The following FBN2 variants were observed in gnomAD, a reference collection of about 807,000 sequenced individuals.
FBN2 encodes fibrillin-2.
In FBN2, 105 loss-of-function variants were observed where a neutral mutation model predicts 355.6. The ratio of observed to expected loss-of-function variants is 0.30; its 90% CI spans 0.25 to 0.35. The LOEUF (loss-of-function observed/expected upper bound fraction) is 0.35, where lower values mean the gene tolerates loss of function less well. Ranked by LOEUF, FBN2 falls within the 10% of genes least tolerant of loss-of-function variation. The pLI, the probability that FBN2 is intolerant of heterozygous loss-of-function variation, is 1.00. For synonymous variants in FBN2, 1,350 were observed against 1,301.2 expected (o/e 1.04, Z -0.81); for missense variants, 3,280 against 3,758.7 (o/e 0.87, Z 3.33).
intron 7 of FBN2, among the ~76,000 whole-genome samples, chr5:128,422,277 C>A (rs1475334018): frequency 6.6e-6 from 1 of 152,016 alleles, no homozygotes; most frequent in Non-Finnish European, 1.5e-5. Flanking sequence ...TGAGGAAAAA[C>A]AATTAAGAAG....
In FBN2 at chr5:128,349,336, G is replaced by GTGAATCTTA; in HGVS notation, c.2989+2_2989+10dup. 1.2e-6 allele frequency: 2 copies of GTGAATCTTA among 1,614,008 alleles called. No individual in the cohort carries two copies. The highest frequency in any genetic ancestry group is 1.7e-6 in the Non-Finnish European group (2 of 1,179,970). ...TTTTATACATAGAATACATGAGGGT[G>GTGAATCTTA]TGAATCTTACCCAAACATACACGGC... On this transcript the variant is annotated intron_variant, in intron 23 of 64. Coordinates refer to ENST00000262464, the MANE Select transcript of FBN2 (RefSeq NM_001999.4).
chr5:128,310,131 T>C, intron 39 of FBN2, 23 bp from the exon 40 acceptor site: 1 of 1,584,388 alleles, frequency 6.3e-7, no homozygotes, highest in Non-Finnish European at 8.7e-7. Flanking sequence ...AGAATATCTA[T>C]TAATTAATAA....
At chr5:128,345,834 A>G (rs1455762145) in intron 23 of FBN2, among the ~76,000 whole-genome samples, 3 of 152,184 alleles carry the variant, frequency 2.0e-5, no homozygotes, top group Non-Finnish European at 4.4e-5. Flanking sequence ...TCATGAGATG[A>G]CTGCTTCATG....
intron 2 of FBN2, among the ~76,000 whole-genome samples, chr5:128,535,440 T>C (rs945065225): frequency 6.6e-6 from 1 of 152,192 alleles, no homozygotes; most frequent in Non-Finnish European, 1.5e-5. Flanking sequence ...CTGGAGAACA[T>C]GGAGGTCAAT....
intron 34 of FBN2, among the ~76,000 whole-genome samples, chr5:128,324,659 C>T (rs1036176701): frequency 6.6e-6 from 1 of 150,998 alleles, no homozygotes; most frequent in African/African-American, 2.4e-5. Context: ...CTCTGTTGAC[C>T]CAGCCTGGAG....
chr5:128,280,949 G>C (rs1353643092), intron 55 of FBN2, among the ~76,000 whole-genome samples: 1 of 152,070 alleles, frequency 6.6e-6, no homozygotes, highest in African/African-American at 2.4e-5. Context: ...AATTTTGTTT[G>C]AGGTTTCTTT....
At chr5:128,473,567 G>A (rs1372761360) in intron 5 of FBN2, among the ~76,000 whole-genome samples, 1 of 152,174 alleles carries the variant, frequency 6.6e-6, no homozygotes, top group Non-Finnish European at 1.5e-5. Context: ...CCAAGTGCTT[G>A]TGTGCTTTTA....
intron 62 of FBN2, among the ~76,000 whole-genome samples, chr5:128,271,015 T>A (rs948960718): frequency 6.6e-6 from 1 of 152,204 alleles, no homozygotes; most frequent in Admixed American, 6.5e-5. Flanking sequence ...CGTGGTGTGG[T>A]AAAGCATCTG....
intron 7 of FBN2, among the ~76,000 whole-genome samples, chr5:128,420,265 T>C (rs973954272): frequency 2.6e-5 from 4 of 152,322 alleles, no homozygotes; most frequent in East Asian, 1.9e-4. Context: ...CCATTAGCCA[T>C]TGGAAGAGAT....
chr5:128,403,527 C>T (rs1374829640), intron 8 of FBN2, among the ~76,000 whole-genome samples: 9 of 152,110 alleles, frequency 5.9e-5, no homozygotes, highest in Non-Finnish European at 1.3e-4. Flanking sequence ...TTTGCCAACG[C>T]GTTATTTATT....
chr5:128,303,750 G>A (rs1749785015), intron 45 of FBN2, among the ~76,000 whole-genome samples: 1 of 152,184 alleles, frequency 6.6e-6, no homozygotes, highest in South Asian at 2.1e-4. Context: ...TCTTACTGAA[G>A]AATCTGACTA....
rs369474082 is a variant in FBN2 at position 128,261,829 on chromosome 5, C to T, written c.8271G>A (p.Leu2757=). The T allele has an allele frequency of 1.9e-6, 3 of 1,613,888 alleles. No homozygotes were observed. The African/African-American group carries it at 4.0e-5, about 22-fold the overall frequency. ...LDTEVDEENA[L]SPEACYECKI... is the part of the protein sequence containing the mutation. ...TGCACTCGTAGCATGCTTCTGGGGACAGAGCATTTTCCTCATCGACCTCTG... is the reference window on the plus strand; with the variant it reads ...TGCACTCGTAGCATGCTTCTGGGGATAGAGCATTTTCCTCATCGACCTCTG... The change falls in exon 64 of 65, where the codon CTG becomes CTA. Residue 2757 remains leucine (L), a synonymous_variant. Coordinates refer to ENST00000262464, the MANE Select transcript of FBN2 (RefSeq NM_001999.4).
chr5:128,434,089 G>A (rs1288618400), intron 7 of FBN2, among the ~76,000 whole-genome samples: 3 of 151,952 alleles, frequency 2.0e-5, no homozygotes, highest in African/African-American at 7.3e-5. Context: ...AATACAGCAG[G>A]TGACTAGAAC....
chr5:128,469,397 G>T (rs893332604), intron 5 of FBN2, among the ~76,000 whole-genome samples: 1 of 152,072 alleles, frequency 6.6e-6, no homozygotes, highest in East Asian at 1.9e-4. Flanking sequence ...TGGGTGTGGT[G>T]GTGGGTGCCT....
At chr5:128,353,553 G>T (rs1206125120) in intron 20 of FBN2, among the ~76,000 whole-genome samples, 2 of 152,186 alleles carry the variant, frequency 1.3e-5, no homozygotes, top group Non-Finnish European at 2.9e-5. Context: ...AGAGATGTTT[G>T]TGTAAAGCTA....
intron 5 of FBN2, among the ~76,000 whole-genome samples, chr5:128,472,637 C>T (rs535707888): frequency 1.3e-5 from 2 of 151,796 alleles, no homozygotes; most frequent in African/African-American, 2.4e-5. Context: ...ACTAAAAATA[C>T]GAAATTAGCT....
chr5:128,325,961 T>G (rs961583177), intron 34 of FBN2, among the ~76,000 whole-genome samples: 1 of 152,240 alleles, frequency 6.6e-6, no homozygotes, highest in African/African-American at 2.4e-5. Context: ...TTCAACTACA[T>G]TTATGATTTT....
chr5:128,380,839 C>G (rs1160758764), intron 11 of FBN2, among the ~76,000 whole-genome samples: 1 of 152,018 alleles, frequency 6.6e-6, no homozygotes, highest in Non-Finnish European at 1.5e-5. Context: ...GTCTTGTTTA[C>G]AGGAACAGAA....
At chr5:128,420,080 C>T (rs185312275) in intron 7 of FBN2, among the ~76,000 whole-genome samples, 111 of 152,136 alleles carry the variant, frequency 7.3e-4, no homozygotes, top group Non-Finnish European at 1.4e-3. Flanking sequence ...TTTTTTTCTT[C>T]AATTTTCAGA....
Sources: gnomAD v4.1 joint callset for allele counts (sites outside exome capture counted in the v4.1 genomes callset) on GRCh38, gnomAD v4.1.1 for gene constraint, MANE v1.5 for transcripts, NCBI Gene and HGNC (gene_info 2026-07-23, HGNC 2026-07-21) for gene names.